Variants in FAM117B observed in about 807,000 individuals in gnomAD.
FAM117B encodes family with sequence similarity 117 member B, also known as protein FAM117B.
In FAM117B, 22 loss-of-function variants were observed where a neutral mutation model predicts 52.8. The observed-to-expected ratio is 0.42, with a 90% CI of 0.30 to 0.59. FAM117B has a LOEUF of 0.59. FAM117B is among the 20% of genes least tolerant of loss of function. The pLI is 0.22. For missense variants in FAM117B, 678 were observed against 802.6 expected, an observed-to-expected ratio of 0.84 and a Z score of 1.88; for synonymous variants, 309 against 324.1, an observed-to-expected ratio of 0.95 and a Z score of 0.50.
At chr2:202,652,535 A>G (rs1367735169) in intron 1 of FAM117B, among the ~76,000 whole-genome samples, 1 of 152,242 alleles carries the variant, frequency 6.6e-6, no homozygotes, top group African/African-American at 2.4e-5. Context: ...AACAGTACAA[A>G]GAAGAACATA....
intron 4 of FAM117B, among the ~76,000 whole-genome samples, chr2:202,740,096 C>G (rs1408460411): frequency 7.5e-6 from 1 of 133,714 alleles, no homozygotes; most frequent in East Asian, 2.3e-4. Context: ...TGGCGTGCAC[C>G]CAGGAGGTGG....
chr2:202,760,901 C>A (rs887915270), intron 7 of FAM117B, among the ~76,000 whole-genome samples: 1 of 152,112 alleles, frequency 6.6e-6, no homozygotes, highest in African/African-American at 2.4e-5. Context: ...GTTGTGCCTG[C>A]CCCCCTCCAC....
chr2:202,709,052 G>A (rs1040670600), intron 2 of FAM117B, among the ~76,000 whole-genome samples: 3 of 152,188 alleles, frequency 2.0e-5, no homozygotes, highest in Non-Finnish European at 2.9e-5. Flanking sequence ...TGACAGGCGC[G>A]AGATGATACT....
intron 2 of FAM117B, among the ~76,000 whole-genome samples, chr2:202,712,440 T>G (rs1426506495): frequency 6.7e-5 from 10 of 148,706 alleles, no homozygotes; most frequent in Admixed American, 4.0e-4. Flanking sequence ...TTTTTTTTTT[T>G]TGTGCGTGTG....
At chr2:202,691,661 G>GTGTATGTGTA (rs201411653) in intron 1 of FAM117B, among the ~76,000 whole-genome samples, 1 of 144,488 alleles carries the variant, frequency 6.9e-6, no homozygotes, top group Non-Finnish European at 1.5e-5. Context: ...GTGTGTGTGT[G>GTGTATGTGTA]TGTGTGTGTG....
intron 2 of FAM117B, among the ~76,000 whole-genome samples, chr2:202,711,133 A>G (rs1690950809): frequency 6.6e-6 from 1 of 152,138 alleles, no homozygotes; most frequent in Admixed American, 6.5e-5. Context: ...AGGAACCTCC[A>G]AACTGTTCTC....
chr2:202,702,577 G>A (rs1574562048), intron 2 of FAM117B, among the ~76,000 whole-genome samples: 1 of 151,750 alleles, frequency 6.6e-6, no homozygotes, highest in Admixed American at 6.6e-5. Context: ...TTTTTGAGAC[G>A]GAATCTTGCT....
At chr2:202,721,605 A>G (rs945027326) in intron 2 of FAM117B, among the ~76,000 whole-genome samples, 1 of 152,060 alleles carries the variant, frequency 6.6e-6, no homozygotes, top group Non-Finnish European at 1.5e-5. Context: ...AACTCCTTTA[A>G]TTACCTTATA....
intron 2 of FAM117B, among the ~76,000 whole-genome samples, chr2:202,700,504 C>T (rs917050740): frequency 1.3e-5 from 2 of 151,984 alleles, no homozygotes; most frequent in Admixed American, 6.6e-5. Flanking sequence ...CTAAGATAGG[C>T]GAGGACGCTA....
Position 202,714,676 on chromosome 2 carries a change from C to T in FAM117B, c.754-10241C>T, listed in dbSNP as rs563507499. Among the ~76,000 whole-genome samples the T allele has an allele frequency of 5.8e-3, 872 of 151,616 alleles. 2 individuals carry two copies. The highest frequency in any genetic ancestry group is 0.012 in the Admixed American group (189 of 15,262). On this transcript the variant is annotated intron_variant, in intron 2 of 7. Coordinates refer to ENST00000392238, the MANE Select transcript of FAM117B (RefSeq NM_173511.4). ...TGGTTTTCCTAGGCAGAGGACCCTG[C>T]GGCCTTCCGCAGTGTTTGTGTCCCT...
intron 2 of FAM117B, among the ~76,000 whole-genome samples, chr2:202,718,486 T>C (rs1691094693): frequency 6.6e-6 from 1 of 152,220 alleles, no homozygotes; most frequent in Non-Finnish European, 1.5e-5. Context: ...ATTTTGTTAA[T>C]GTGGCATATT....
chr2:202,640,295 AATATATATATATATAT>A (rs539187347), intron 1 of FAM117B, among the ~76,000 whole-genome samples: 706 of 51,306 alleles, frequency 0.014, 42 homozygotes, highest in African/African-American at 0.041. Flanking sequence ...ACCACCACAA[AATATATATATATATAT>A]ATATATATAT....
At chr2:202,637,627 C>T (rs1208415728) in intron 1 of FAM117B, among the ~76,000 whole-genome samples, 2 of 152,168 alleles carry the variant, frequency 1.3e-5, no homozygotes, top group African/African-American at 2.4e-5. Context: ...TGCTTCATAA[C>T]CTCTGTCACC....
intron 1 of FAM117B, among the ~76,000 whole-genome samples, chr2:202,674,034 A>C (rs1690341343): frequency 6.7e-6 from 1 of 150,334 alleles, no homozygotes; most frequent in African/African-American, 2.5e-5. Context: ...CACCCCCCCC[A>C]CCTCTGAAAT....
intron 2 of FAM117B, among the ~76,000 whole-genome samples, chr2:202,699,443 A>G (rs1466270566): frequency 4.5e-4 from 58 of 129,402 alleles, no homozygotes; most frequent in East Asian, 1.2e-3. Context: ...AAAAAAAAAA[A>G]AAAAAGAAAA....
At chr2:202,699,774 C>A (rs1029215391) in intron 2 of FAM117B, among the ~76,000 whole-genome samples, 1 of 152,132 alleles carries the variant, frequency 6.6e-6, no homozygotes, top group Non-Finnish European at 1.5e-5. Context: ...CTTTATTGGG[C>A]TTCGCAGATA....
chr2:202,716,276 T>C (rs1324679140), intron 2 of FAM117B, among the ~76,000 whole-genome samples: 1 of 152,206 alleles, frequency 6.6e-6, no homozygotes, highest in Non-Finnish European at 1.5e-5. Flanking sequence ...TAGTTTTTCA[T>C]AAATGAAATG....
chr2:202,747,581 A>G (rs1005599777), intron 4 of FAM117B, among the ~76,000 whole-genome samples: 1 of 152,180 alleles, frequency 6.6e-6, no homozygotes, highest in African/African-American at 2.4e-5. Flanking sequence ...AAAATCACAA[A>G]ACTGATAAAT....
intron 4 of FAM117B, among the ~76,000 whole-genome samples, chr2:202,752,820 A>G (rs1691746166): frequency 6.6e-6 from 1 of 152,192 alleles, no homozygotes; most frequent in Non-Finnish European, 1.5e-5. Flanking sequence ...ATGTAACCAG[A>G]TAGTTCTTTC....
Sources: gnomAD v4.1 joint callset for allele counts (sites outside exome capture counted in the v4.1 genomes callset) on GRCh38, gnomAD v4.1.1 for gene constraint, MANE v1.5 for transcripts, NCBI Gene and HGNC (gene_info 2026-07-23, HGNC 2026-07-21) for gene names.